Variants in COPE observed in about 807,000 individuals in gnomAD.
COPE encodes the protein coatomer subunit epsilon.
In COPE, 19 loss-of-function variants were observed where a neutral mutation model predicts 42.1. The observed-to-expected ratio is 0.45, with a 90% CI of 0.31 to 0.66. The LOEUF is 0.66. Ranked by LOEUF, COPE falls within the 30% of genes least tolerant of loss-of-function variation. The pLI is 0.05. For synonymous variants in COPE, 195 were observed against 181.3 expected, an observed-to-expected ratio of 1.08 and a Z score of -0.60; for missense variants, 402 against 416.1, an observed-to-expected ratio of 0.97 and a Z score of 0.30.
chr19:18,909,056 G>A (rs540831041), intron 3 of COPE, among the ~76,000 whole-genome samples: 8 of 152,180 alleles, frequency 5.3e-5, no homozygotes, highest in Non-Finnish European at 7.4e-5. Flanking sequence ...TCCCCGGGGC[G>A]TCCTGCCAAT....
chr19:18,908,826 C>A (rs1199759543), intron 3 of COPE, among the ~76,000 whole-genome samples: 1 of 151,978 alleles, frequency 6.6e-6, no homozygotes, highest in Non-Finnish European at 1.5e-5. Flanking sequence ...CAGGCAAAAC[C>A]CCATCTCTAA....
At chr19:18,900,022 G>A in intron 8 of COPE, 75 bp from the exon 9 acceptor site, 4 of 1,338,484 alleles carry the variant, frequency 3.0e-6, no homozygotes, top group Non-Finnish European at 4.2e-6. Flanking sequence ...GGACAGGGGT[G>A]GATTGGGGTG....
chr19:18,900,203 G>A (rs113170885), intron 8 of COPE, among the ~76,000 whole-genome samples, 178 bp downstream of exon 8: 2 of 152,008 alleles, frequency 1.3e-5, no homozygotes, highest in Admixed American at 1.3e-4. Flanking sequence ...GGAGCAGGTC[G>A]GGCAGGGCCC....
At chr19:18,915,573 AACC>A (rs1568323466) in intron 1 of COPE, among the ~76,000 whole-genome samples, 1 of 152,212 alleles carries the variant, frequency 6.6e-6, no homozygotes, top group Non-Finnish European at 1.5e-5. Flanking sequence ...GGAGCCCAGG[AACC>A]ACCAAAGCCA....
intron 1 of COPE, among the ~76,000 whole-genome samples, chr19:18,915,782 C>G (rs976281608): frequency 6.6e-6 from 1 of 152,236 alleles, no homozygotes; most frequent in African/African-American, 2.4e-5. Context: ...TCTGACCGCA[C>G]TGGGCCGTCA....
chr19:18,904,609 G>A (rs547221454), intron 6 of COPE, among the ~76,000 whole-genome samples, 162 bp downstream of exon 6: 2 of 152,366 alleles, frequency 1.3e-5, no homozygotes, highest in Admixed American at 1.3e-4. Context: ...TGAGAAGCCC[G>A]GAATGGAGTC....
rs780486683 is a variant in COPE, at chr19:18,903,361, G to A, written c.642C>T (p.Pro214=). The A allele has an allele frequency of 3.7e-6, 6 of 1,612,914 alleles. 1 individual carries two copies. The South Asian group carries it at 6.6e-5, about 18-fold the overall frequency. ...CCTGCCCATTGAGCAGCAGCAGGGTGGGCGAGCACTTGTCAGCCATCTCCT... is the reference window on the plus strand; with the variant it reads ...CCTGCCCATTGAGCAGCAGCAGGGTAGGCGAGCACTTGTCAGCCATCTCCT... The part of the protein sequence containing the change: ...IFQEMADKCS[P]TLLLLNGQAA... The change falls in exon 7 of 10, where the codon CCC becomes CCT. Residue 214 remains proline, a synonymous_variant. Coordinates refer to ENST00000262812, the MANE Select transcript of COPE (RefSeq NM_007263.4).
intron 1 of COPE, among the ~76,000 whole-genome samples, chr19:18,918,377 C>T (rs554302184): frequency 2.0e-5 from 3 of 152,216 alleles, no homozygotes; most frequent in African/African-American, 7.2e-5. Context: ...CCCAACTCCG[C>T]CAGAAGGCGC....
intron 3 of COPE, 145 bp downstream of exon 3, chr19:18,910,826 A>C (rs1239882710): frequency 1.5e-6 from 1 of 679,642 alleles, no homozygotes; most frequent in Non-Finnish European, 2.6e-6. Flanking sequence ...CTGAGGCACA[A>C]AGCAGCAGGG....
intron 1 of COPE, among the ~76,000 whole-genome samples, chr19:18,918,955 G>C (rs543596405): frequency 6.6e-6 from 1 of 152,306 alleles, no homozygotes; most frequent in East Asian, 1.9e-4. Context: ...TAGGCTTATT[G>C]TCACTACAGT....
chr19:18,917,017 G>A (rs1345031790), intron 1 of COPE, among the ~76,000 whole-genome samples: 1 of 150,186 alleles, frequency 6.7e-6, no homozygotes, highest in Non-Finnish European at 1.5e-5. Flanking sequence ...CCCAAATCAA[G>A]GTGTCAGCAG....
At chr19:18,900,224 T>G in intron 8 of COPE, among the ~76,000 whole-genome samples, 157 bp downstream of exon 8, 1 of 149,556 alleles carries the variant, frequency 6.7e-6, no homozygotes, top group Non-Finnish European at 1.5e-5. Flanking sequence ...CAGGTGAGGA[T>G]GGGTTGGGGG....
At chr19:18,912,374 C>T (rs1216533876) in intron 2 of COPE, among the ~76,000 whole-genome samples, 3 of 151,594 alleles carry the variant, frequency 2.0e-5, no homozygotes, top group Non-Finnish European at 2.9e-5. Context: ...TGGTCTTGAA[C>T]TCCTGGCTTC....
At chr19:18,912,319 T>A (rs904041095) in intron 2 of COPE, among the ~76,000 whole-genome samples, 27 of 152,220 alleles carry the variant, frequency 1.8e-4, no homozygotes, top group African/African-American at 6.3e-4. Flanking sequence ...TCTTATTTTT[T>A]AATTTTTTTT....
intron 4 of COPE, chr19:18,906,165 C>T (rs749434054): frequency 1.9e-4 from 75 of 395,116 alleles, no homozygotes; most frequent in Non-Finnish European, 2.9e-4. Flanking sequence ...TCGGCCGGCT[C>T]GCCGACAGTG....
At chr19:18,905,699 G>A in intron 4 of COPE, 70 bp from the exon 5 acceptor site, 2 of 1,462,634 alleles carry the variant, frequency 1.4e-6, no homozygotes, top group South Asian at 1.2e-5. Context: ...CCACACCCAG[G>A]GCTCACTGTG....
At position 18,904,856 on chromosome 19, in the gene COPE, G is replaced by C; in HGVS notation, c.498-4C>G. On this transcript the variant is annotated splice_polypyrimidine_tract_variant and splice_region_variant and intron_variant, in intron 5 of 9. Transcript: ENST00000262812. ...CTGCATTCTCTTCAGCTCCTTCCTGGGGCGGGGACAGATGACAGAGGGGCT... is the reference window on the plus strand; with the variant it reads ...CTGCATTCTCTTCAGCTCCTTCCTGCGGCGGGGACAGATGACAGAGGGGCT... The C allele has an allele frequency of 6.4e-7, 1 of 1,552,600 alleles. No homozygotes were observed. Among genetic ancestry groups the C allele is most frequent in the East Asian group, 2.4e-5 (1 of 41,000 alleles).
chr19:18,917,101 C>T (rs1411242101), intron 1 of COPE, among the ~76,000 whole-genome samples: 1 of 151,834 alleles, frequency 6.6e-6, no homozygotes, highest in African/African-American at 2.4e-5. Flanking sequence ...CTGTTACATT[C>T]CTCAGTTTGT....
At position 18,919,384 on chromosome 19, in the gene COPE, A is replaced by T. The variant is rs766514608; in HGVS notation, c.-36T>A. 1.0e-5 allele frequency: 16 copies of T among 1,606,044 alleles called. No homozygotes were observed. The highest frequency in any genetic ancestry group is 1.4e-5 in the Non-Finnish European group (16 of 1,176,538). On this transcript the variant is annotated 5_prime_UTR_variant, in exon 1 of 10. Transcript: ENST00000262812. ...TCTCACCAGCTCCTCTTCCTGAAAG[A>T]CACGTCAGCCGGAAGCAAGACACGG...
Sources: gnomAD v4.1 joint callset for allele counts (sites outside exome capture counted in the v4.1 genomes callset) on GRCh38, gnomAD v4.1.1 for gene constraint, MANE v1.5 for transcripts, NCBI Gene and HGNC (gene_info 2026-07-23, HGNC 2026-07-21) for gene names.